CSMD3: variants seen among roughly 807,000 people sequenced by gnomAD.
CSMD3 encodes CUB and sushi domain-containing protein 3.
Under a neutral mutation model 435.2 loss-of-function variants are expected in CSMD3, and 177 were observed. The ratio of observed to expected loss-of-function variants is 0.41; its 90% CI spans 0.36 to 0.46. CSMD3 has a LOEUF of 0.46. Ranked by LOEUF, CSMD3 falls within the 20% of genes least tolerant of loss-of-function variation. CSMD3 has a pLI of 0.34. For synonymous variants in CSMD3, 1,656 were observed against 1,520.5 expected (o/e 1.09, Z -2.07); for missense variants, 4,265 against 4,504.6 (o/e 0.95, Z 1.52).
chr8:113,234,359 A>G (rs1379519189), intron 3 of CSMD3, among the ~76,000 whole-genome samples: 2 of 152,120 alleles, frequency 1.3e-5, no homozygotes, highest in Non-Finnish European at 2.9e-5. Context: ...CAGAATGATG[A>G]TGTCAGCCTG....
chr8:112,561,092 A>C lies in CSMD3; in HGVS notation c.4043-4138T>G, dbSNP rs1252687626. On this transcript the variant is annotated intron_variant, in intron 24 of 70. Transcript: ENST00000297405. Reference sequence around the variant, plus strand: ...AAAATGCACATGGACAATAGTATATAAGCTACAAAGCACAACATAATTTTG... The same window carrying C: ...AAAATGCACATGGACAATAGTATATCAGCTACAAAGCACAACATAATTTTG... 2.6e-5 allele frequency among the ~76,000 whole-genome samples: 4 copies of C among 151,736 alleles called. No homozygotes were observed. The East Asian group carries it at 7.7e-4, about 29-fold the overall frequency.
At chr8:113,272,136 G>A (rs776194925) in intron 3 of CSMD3, among the ~76,000 whole-genome samples, 3 of 152,124 alleles carry the variant, frequency 2.0e-5, no homozygotes, top group Non-Finnish European at 4.4e-5. Flanking sequence ...GGGCTCATAG[G>A]TGCAAGCGAC....
intron 30 of CSMD3, among the ~76,000 whole-genome samples, chr8:112,496,813 G>A (rs988024075): frequency 6.6e-6 from 1 of 152,076 alleles, no homozygotes; most frequent in South Asian, 2.1e-4. Flanking sequence ...TAGTAGAGGT[G>A]TTGGGGGGAA....
chr8:112,373,273 C>T lies in CSMD3; in HGVS notation c.6136+7079G>A, dbSNP rs73326684. Reference sequence around the variant, plus strand: ...CTGGTATTCATAGTGTGATTATAGACTGTGATTTCCCCACTGTGATTCTTC... The same window carrying T: ...CTGGTATTCATAGTGTGATTATAGATTGTGATTTCCCCACTGTGATTCTTC... On this transcript the variant is annotated intron_variant, in intron 38 of 70. Transcript: ENST00000297405. Among the ~76,000 whole-genome samples, 273 of 152,180 alleles carry T rather than the reference C, an allele frequency of 1.8e-3. 2 individuals are homozygous for T. The highest frequency in any genetic ancestry group is 6.1e-3 in the African/African-American group (252 of 41,532).
At chr8:112,507,029 AC>A (rs1822606641) in intron 28 of CSMD3, among the ~76,000 whole-genome samples, 200 bp from the exon 29 acceptor site, 1 of 152,196 alleles carries the variant, frequency 6.6e-6, no homozygotes, top group South Asian at 2.1e-4. Context: ...ATACATGGAT[AC>A]ATAAAATTTA....
chr8:112,722,304 A>G (rs74339390), intron 13 of CSMD3, among the ~76,000 whole-genome samples: 1 of 152,126 alleles, frequency 6.6e-6, no homozygotes, highest in African/African-American at 2.4e-5. Context: ...TTAAAAAAAA[A>G]GGCTATACCA....
At chr8:112,589,493 T>C (rs1830997551) in intron 22 of CSMD3, among the ~76,000 whole-genome samples, 1 of 152,126 alleles carries the variant, frequency 6.6e-6, no homozygotes, top group South Asian at 2.1e-4. Context: ...CAACAACCCA[T>C]TAAAATATTA....
intron 4 of CSMD3, among the ~76,000 whole-genome samples, chr8:113,106,738 C>T (rs2090488887): frequency 6.6e-6 from 1 of 152,136 alleles, no homozygotes; most frequent in African/African-American, 2.4e-5. Flanking sequence ...TATTTTAGTG[C>T]TTTTCACATC....
intron 5 of CSMD3, among the ~76,000 whole-genome samples, chr8:113,073,477 C>A (rs1245233668): frequency 6.6e-6 from 1 of 151,778 alleles, no homozygotes; most frequent in Admixed American, 6.6e-5. Flanking sequence ...TATAAGGCAA[C>A]CCCCTGCACA....
At chr8:113,023,971 T>C (rs1278180203) in intron 5 of CSMD3, among the ~76,000 whole-genome samples, 1 of 152,112 alleles carries the variant, frequency 6.6e-6, no homozygotes, top group Non-Finnish European at 1.5e-5. Flanking sequence ...ATAAAATATC[T>C]TTTTCGTTGA....
intron 10 of CSMD3, among the ~76,000 whole-genome samples, chr8:112,920,619 T>C (rs1214425269): frequency 6.6e-6 from 1 of 151,818 alleles, no homozygotes; most frequent in East Asian, 1.9e-4. Context: ...ATCTGTTAGT[T>C]TTTTTAGTAT....
chr8:112,813,668 A>G (rs2132399436), intron 12 of CSMD3, among the ~76,000 whole-genome samples: 1 of 152,236 alleles, frequency 6.6e-6, no homozygotes, highest in South Asian at 2.1e-4. Context: ...TATTTTAAGC[A>G]TTTATCTTCA....
intron 13 of CSMD3, among the ~76,000 whole-genome samples, chr8:112,698,948 T>C (rs1408374322): frequency 6.6e-6 from 1 of 151,984 alleles, no homozygotes; most frequent in Non-Finnish European, 1.5e-5. Context: ...GCGCTCCTTG[T>C]CTAGCTAAAG....
intron 21 of CSMD3, among the ~76,000 whole-genome samples, chr8:112,638,061 T>C (rs2074711092): frequency 6.6e-6 from 1 of 151,516 alleles, no homozygotes. Flanking sequence ...CTCATACAAT[T>C]TTTTCCCCCT....
At chr8:113,129,184 G>T (rs2091220575) in intron 4 of CSMD3, among the ~76,000 whole-genome samples, 1 of 152,188 alleles carries the variant, frequency 6.6e-6, no homozygotes, top group South Asian at 2.1e-4. Flanking sequence ...TTTTCATATT[G>T]TGAGCATAGC....
At chr8:112,979,845 T>C (rs2084983983) in intron 6 of CSMD3, among the ~76,000 whole-genome samples, 1 of 151,068 alleles carries the variant, frequency 6.6e-6, no homozygotes, top group South Asian at 2.1e-4. Context: ...AAATAAGACG[T>C]TCACAATATG....
intron 22 of CSMD3, among the ~76,000 whole-genome samples, chr8:112,602,089 A>T (rs576210308): frequency 6.6e-6 from 1 of 152,192 alleles, no homozygotes; most frequent in African/African-American, 2.4e-5. Flanking sequence ...TAATGAAATG[A>T]TAAGGAAGCA....
chr8:112,414,018 C>A (rs1026819779), intron 32 of CSMD3, among the ~76,000 whole-genome samples: 14 of 152,074 alleles, frequency 9.2e-5, no homozygotes, highest in African/African-American at 1.2e-4. Context: ...GGTGGTTTGG[C>A]CAGAATCCCC....
At chr8:112,947,169 A>G (rs1359348458) in intron 9 of CSMD3, among the ~76,000 whole-genome samples, 1 of 151,688 alleles carries the variant, frequency 6.6e-6, no homozygotes, top group East Asian at 1.9e-4. Context: ...TAGAGGACTA[A>G]GAAAAATTCA....
Sources: gnomAD v4.1 joint callset for allele counts (sites outside exome capture counted in the v4.1 genomes callset) on GRCh38, gnomAD v4.1.1 for gene constraint, MANE v1.5 for transcripts, NCBI Gene and HGNC (gene_info 2026-07-23, HGNC 2026-07-21) for gene names.